The following TTLL9 variants were observed in gnomAD, a reference collection of about 807,000 sequenced individuals.
TTLL9 encodes the protein tubulin tyrosine ligase like 9, also known as probable tubulin polyglutamylase TTLL9.
TTLL9 carries 47 observed loss-of-function variants against 65.6 expected under a neutral mutation model. The ratio of observed to expected loss-of-function variants is 0.72; its 90% CI spans 0.57 to 0.91. TTLL9 has a LOEUF of 0.91. Ranked by LOEUF, TTLL9 falls within the 40% of genes least tolerant of loss-of-function variation. The probability of loss-of-function intolerance (pLI) is 0.00; values close to 1 mark genes in which losing one functional copy is unlikely to be tolerated. For synonymous variants in TTLL9, 179 were observed against 204.8 expected (o/e 0.87, Z 1.07); for missense variants, 537 against 568.8 (o/e 0.94, Z 0.57).
intron 10 of TTLL9, 47 bp downstream of exon 10, chr20:31,926,138 TG>T (rs2063902811): frequency 1.5e-6 from 2 of 1,357,582 alleles, no homozygotes; most frequent in South Asian, 2.4e-5. Flanking sequence ...TCCAGTTTTG[TG>T]GGGGTGATTC....
chr20:31,939,562 T>C (rs2064172223), intron 14 of TTLL9: 1 of 236,226 alleles, frequency 4.2e-6, no homozygotes, highest in Non-Finnish European at 8.2e-6. Flanking sequence ...ATCTGGTGTA[T>C]TTCCTTCCAG....
chr20:31,883,200 CTTTTTT>C (rs776036423), intron 2 of TTLL9, among the ~76,000 whole-genome samples: 1 of 140,106 alleles, frequency 7.1e-6, no homozygotes, highest in East Asian at 2.1e-4. Flanking sequence ...AGAATTCTTT[CTTTTTT>C]TTTTTTTTTT....
Position 31,909,785 on chromosome 20 carries a change from C to G in TTLL9, c.367C>G (p.Gln123Glu), listed in dbSNP as rs1568790694. ...GAAGAACCTGAAGCGGTTCCGGAAG[C>G]AGCTGGAGCGTGAGGCAGGAAAGCT... ...MVKNLKRFRK[Q>E]LEREAGKLEA... The change falls in exon 6 of 15, where the codon CAG (glutamine) becomes GAG (glutamate). Residue 123 changes from glutamine to glutamate, a missense_variant. Gln to Glu is a conservative substitution (Grantham distance 29). Coordinates refer to ENST00000535842, the MANE Select transcript of TTLL9 (RefSeq NM_001008409.5). 2 of 1,614,194 alleles carry G rather than the reference C, an allele frequency of 1.2e-6. No homozygotes were observed.
At chr20:31,873,710 G>GA (rs1360166170) in intron 2 of TTLL9, among the ~76,000 whole-genome samples, 1 of 125,130 alleles carries the variant, frequency 8.0e-6, no homozygotes, top group Non-Finnish European at 1.7e-5. Flanking sequence ...AAGAAAGAAA[G>GA]AAAGAAAGAA....
In TTLL9 at chr20:31,879,932, C is replaced by T. The variant is rs1423690309; in HGVS notation, c.70-7264C>T. On this transcript the variant is annotated intron_variant, in intron 2 of 14. Transcript: ENST00000535842. ...GACCTGACCCAGATGCTTTTATCGTCCCTAGAAAAAGGGAGGAAAGCAGCA... is the reference window on the plus strand; with the variant it reads ...GACCTGACCCAGATGCTTTTATCGTTCCTAGAAAAAGGGAGGAAAGCAGCA... 5 of 1,494,742 alleles carry T rather than the reference C, an allele frequency of 3.3e-6. No individual in the cohort carries two copies. In the South Asian group the frequency reaches 3.6e-5, roughly 11 times the overall value. The allele number at this position is 1,494,742 out of a possible 1,614,324, so 92.6% of individuals were successfully genotyped here. A position where few individuals can be genotyped will look rare whatever the true frequency, so the allele number is the denominator to read the frequency against.
chr20:31,933,858 G>A lies in TTLL9; in HGVS notation c.807G>A (p.Lys269=), dbSNP rs1399564213. ...QKTSPDYHPK[K]GCKWTLQRFR... Reference sequence around the variant, plus strand: ...CATCTCCCGACTACCACCCAAAGAAGGTGAGGAAGCCGGGCTCGGCTATGC... The same window carrying A: ...CATCTCCCGACTACCACCCAAAGAAAGTGAGGAAGCCGGGCTCGGCTATGC... Residue 269 remains lysine, a splice_region_variant and synonymous_variant, in exon 11 of 15, where the codon AAG becomes AAA. Transcript: ENST00000535842. 1 of 1,614,008 alleles carries A rather than the reference G, an allele frequency of 6.2e-7. No homozygotes were observed. The highest frequency in any genetic ancestry group is 1.7e-5 in the Admixed American group (1 of 60,024).
chr20:31,920,301 G>C (rs2063798123), intron 7 of TTLL9, among the ~76,000 whole-genome samples: 1 of 151,952 alleles, frequency 6.6e-6, no homozygotes, highest in Non-Finnish European at 1.5e-5. Context: ...CTCAGCGCTC[G>C]ATGCACGTTC....
chr20:31,902,656 A>G (rs1367239391), intron 4 of TTLL9, among the ~76,000 whole-genome samples: 1 of 152,164 alleles, frequency 6.6e-6, no homozygotes, highest in African/African-American at 2.4e-5. Flanking sequence ...ATATTCATGT[A>G]TGAATTTGAA....
chr20:31,876,757 A>G (rs373628142), intron 2 of TTLL9, among the ~76,000 whole-genome samples: 1 of 152,196 alleles, frequency 6.6e-6, no homozygotes, highest in Non-Finnish European at 1.5e-5. Flanking sequence ...CAAGGTGTGA[A>G]TAGCATGTAA....
At chr20:31,884,008 C>A in intron 2 of TTLL9, 1 of 495,924 alleles carries the variant, frequency 2.0e-6, no homozygotes, top group Non-Finnish European at 3.7e-6. Context: ...AGTAAGTCTG[C>A]CTTTATTCAC....
At chr20:31,929,090 T>G (rs1323707495) in intron 10 of TTLL9, among the ~76,000 whole-genome samples, 1 of 152,174 alleles carries the variant, frequency 6.6e-6, no homozygotes, top group Non-Finnish European at 1.5e-5. Flanking sequence ...CAGGCTGGTC[T>G]CAAACTCCTA....
chr20:31,911,051 T>C (rs1482108801), intron 6 of TTLL9, among the ~76,000 whole-genome samples: 2 of 152,216 alleles, frequency 1.3e-5, no homozygotes, highest in East Asian at 3.9e-4. Flanking sequence ...GGTGGGTGCC[T>C]GTAATCCCAG....
At chr20:31,879,670 T>C in intron 2 of TTLL9, 1 of 670,486 alleles carries the variant, frequency 1.5e-6, no homozygotes, top group Non-Finnish European at 2.4e-6. Flanking sequence ...AAAAGAAAGG[T>C]TGAGGAAGTC....
chr20:31,932,695 T>C (rs2064038665), intron 10 of TTLL9, among the ~76,000 whole-genome samples: 1 of 152,030 alleles, frequency 6.6e-6, no homozygotes. Context: ...TCAGGTCTTA[T>C]GGTCATTTCA....
chr20:31,940,199 G>C (rs2064180881), intron 14 of TTLL9: 1 of 152,178 alleles, frequency 6.6e-6, no homozygotes, highest in African/African-American at 2.4e-5. Flanking sequence ...GAATTTGTCA[G>C]ATTTGAATTT....
intron 10 of TTLL9, among the ~76,000 whole-genome samples, chr20:31,931,252 A>T (rs1245196692): frequency 6.6e-6 from 1 of 150,682 alleles, no homozygotes. Flanking sequence ...GCTAATTTTT[A>T]AATTTTTTAT....
intron 2 of TTLL9, chr20:31,879,745 A>C (rs1600516546): frequency 7.0e-7 from 1 of 1,436,422 alleles, no homozygotes; most frequent in Non-Finnish European, 9.4e-7. Context: ...GAGCCTGCGC[A>C]CTCCGCCGAG....
At chr20:31,905,352 C>T (rs1290332772) in intron 4 of TTLL9, among the ~76,000 whole-genome samples, 5 of 151,990 alleles carry the variant, frequency 3.3e-5, no homozygotes, top group East Asian at 3.9e-4. Context: ...TAGGATTACA[C>T]GCATAAGCCA....
chr20:31,902,636 G>A (rs962326796), intron 4 of TTLL9, among the ~76,000 whole-genome samples: 27 of 152,144 alleles, frequency 1.8e-4, no homozygotes, highest in Non-Finnish European at 4.4e-5. Context: ...TATACATGAT[G>A]CTGCTGTGAA....
Sources: allele counts gnomAD v4.1 joint callset (sites outside exome capture counted in the v4.1 genomes callset), GRCh38; gene constraint gnomAD v4.1.1; transcripts MANE v1.5; gene names NCBI Gene and HGNC (gene_info 2026-07-23, HGNC 2026-07-21).